The following ADAMTSL1 variants were observed in gnomAD, a reference collection of about 807,000 sequenced individuals.
The protein encoded by ADAMTSL1 is ADAMTS like 1.
A neutral mutation model predicts 201.8 loss-of-function variants in ADAMTSL1; 126 were observed. That is an observed-to-expected ratio of 0.62 (90% CI 0.54 to 0.72). ADAMTSL1 has a LOEUF of 0.72. Ranked by LOEUF, ADAMTSL1 falls within the 30% of genes least tolerant of loss-of-function variation. The pLI is 0.00. For missense variants in ADAMTSL1, 2,679 were observed against 2,277.8 expected, an observed-to-expected ratio of 1.18 and a Z score of -3.59; for synonymous variants, 1,121 against 903.4, an observed-to-expected ratio of 1.24 and a Z score of -4.32.
chr9:18,653,444 G>A (rs1828421799), intron 7 of ADAMTSL1, among the ~76,000 whole-genome samples: 1 of 152,084 alleles, frequency 6.6e-6, no homozygotes, highest in African/African-American at 2.4e-5. Flanking sequence ...CTGATCTACT[G>A]CCCTACTCAA....
At chr9:18,008,888 AC>A (rs1819940605) in intron 1 of ADAMTSL1, among the ~76,000 whole-genome samples, 1 of 151,894 alleles carries the variant, frequency 6.6e-6, no homozygotes, top group African/African-American at 2.4e-5. Context: ...AATGAAGACT[AC>A]CTAATTTGCT....
chr9:18,840,772 C>G (rs1280260099), intron 23 of ADAMTSL1, among the ~76,000 whole-genome samples: 4 of 149,842 alleles, frequency 2.7e-5, no homozygotes, highest in African/African-American at 4.9e-5. Context: ...AGTTGGATTC[C>G]TAGGTATTTT....
intron 2 of ADAMTSL1, among the ~76,000 whole-genome samples, chr9:18,396,189 T>C (rs1022094314): frequency 6.6e-6 from 1 of 152,162 alleles, no homozygotes; most frequent in Non-Finnish European, 1.5e-5. Flanking sequence ...TGCTCCTGCC[T>C]TTGCACAGTC....
intron 16 of ADAMTSL1, among the ~76,000 whole-genome samples, chr9:18,756,076 A>AAAATAT (rs1819728814): frequency 1.2e-5 from 1 of 80,700 alleles, no homozygotes; most frequent in Non-Finnish European, 2.6e-5. Flanking sequence ...CTCTACTGAA[A>AAAATAT]ATATATATAT....
At chr9:18,188,679 G>A (rs909497487) in intron 2 of ADAMTSL1, among the ~76,000 whole-genome samples, 5 of 152,178 alleles carry the variant, frequency 3.3e-5, no homozygotes, top group African/African-American at 9.7e-5. Context: ...GCAAACTGCC[G>A]GGGATATTAG....
chr9:18,812,425 A>C (rs1356494094), intron 20 of ADAMTSL1, among the ~76,000 whole-genome samples: 1 of 152,246 alleles, frequency 6.6e-6, no homozygotes, highest in Non-Finnish European at 1.5e-5. Flanking sequence ...CACATCTTAC[A>C]TAAAAATTAA....
Position 18,888,111 on chromosome 9 carries a change from T to C in ADAMTSL1, c.4462+68T>C, listed in dbSNP as rs1372091563. 10 of 1,484,190 alleles carry C rather than the reference T, an allele frequency of 6.7e-6. 1 individual carries two copies. The East Asian group carries it at 1.4e-4, about 21-fold the overall frequency. 91.9% of individuals were successfully genotyped at this position (1,484,190 alleles called of 1,614,324 possible). ...AAGCCCACTTGGGAATCTAACTATC[T>C]AGCAGAACAAAGAGATTTCTGATCT... On this transcript the variant is annotated intron_variant, in intron 24 of 28. Transcript: ENST00000380548.
intron 19 of ADAMTSL1, among the ~76,000 whole-genome samples, chr9:18,791,100 T>G (rs972065608): frequency 2.0e-5 from 3 of 152,230 alleles, no homozygotes; most frequent in Non-Finnish European, 2.9e-5. Context: ...TTAAGCTAAA[T>G]TAATAGAGTA....
chr9:18,000,274 C>T (rs999322814), intron 1 of ADAMTSL1, among the ~76,000 whole-genome samples: 2 of 150,208 alleles, frequency 1.3e-5, no homozygotes, highest in Non-Finnish European at 1.5e-5. Context: ...CTGTTGTTTC[C>T]TGACTTTTTA....
At chr9:18,188,425 C>G (rs1828830417) in intron 2 of ADAMTSL1, among the ~76,000 whole-genome samples, 1 of 152,114 alleles carries the variant, frequency 6.6e-6, no homozygotes, top group African/African-American at 2.4e-5. Context: ...AAAACATGAA[C>G]TATGCAAGTG....
At chr9:18,766,930 A>G (rs1021481087) in intron 16 of ADAMTSL1, among the ~76,000 whole-genome samples, 1 of 152,216 alleles carries the variant, frequency 6.6e-6, no homozygotes, top group Non-Finnish European at 1.5e-5. Flanking sequence ...GGATTATGGT[A>G]TGCTGATTTC....
At position 18,906,928 on chromosome 9, in the gene ADAMTSL1, AAAGAACC is replaced by A; in HGVS notation, c.5182+17_5182+23del. The A allele has an allele frequency of 1.2e-6, 2 of 1,613,634 alleles. No individual in the cohort carries two copies. The highest frequency in any genetic ancestry group is 1.7e-6 in the Non-Finnish European group (2 of 1,179,694). On this transcript the variant is annotated intron_variant, in intron 28 of 28. Coordinates refer to ENST00000380548, the MANE Select transcript of ADAMTSL1 (RefSeq NM_001040272.6). Reference sequence around the variant, plus strand: ...TGTGAAAACAGTATGTTCCAACCCCAAAGAACCTTCTGCAAATTCCCCATAGAGCATC... The same window carrying A: ...TGTGAAAACAGTATGTTCCAACCCCATTCTGCAAATTCCCCATAGAGCATC...
chr9:18,793,342 C>T (rs574764280), intron 19 of ADAMTSL1: 5 of 152,332 alleles, frequency 3.3e-5, no homozygotes, highest in African/African-American at 1.2e-4. Flanking sequence ...TCACCCACCT[C>T]AGAATAATTG....
chr9:18,846,822 T>G (rs1409646936), intron 23 of ADAMTSL1, among the ~76,000 whole-genome samples: 1 of 152,088 alleles, frequency 6.6e-6, no homozygotes, highest in Non-Finnish European at 1.5e-5. Context: ...ACTTGGTAAA[T>G]AGATTAACAT....
intron 16 of ADAMTSL1, among the ~76,000 whole-genome samples, chr9:18,759,078 CAT>C (rs1400382956): frequency 6.6e-6 from 1 of 152,176 alleles, no homozygotes; most frequent in Non-Finnish European, 1.5e-5. Flanking sequence ...CTCTATATTG[CAT>C]ATGTTTTATG....
Position 17,914,700 on chromosome 9 carries a change from G to A in ADAMTSL1, c.87+7778G>A, listed in dbSNP as rs565223642. On this transcript the variant is annotated intron_variant, in intron 1 of 29. Coordinates refer to the ADAMTSL1 transcript ENST00000680146. The stretch of plus-strand genomic sequence containing the variant: ...AATTAGGCAGGAGAAGGAAATAAAC[G>A]GTATTCAATTAGGAAAAGAGGAAGT... Among the ~76,000 whole-genome samples the A allele has an allele frequency of 1.3e-3, 202 of 151,888 alleles. 2 individuals carry two copies. Among genetic ancestry groups the A allele is most frequent in the African/African-American group, 4.7e-3 (196 of 41,386 alleles).
At position 18,580,869 on chromosome 9, in the gene ADAMTSL1, C is replaced by A. The variant is rs573128464; in HGVS notation, c.474+6603C>A. On this transcript the variant is annotated intron_variant, in intron 4 of 28. Coordinates refer to ENST00000380548, the MANE Select transcript of ADAMTSL1 (RefSeq NM_001040272.6). ...TAAATATGAAAGTGTACTATAGTCA[C>A]TATACTATACTGCCCTCACTGTAAA... Among the ~76,000 whole-genome samples the A allele has an allele frequency of 6.2e-4, 95 of 152,204 alleles. 1 individual carries two copies. The highest frequency in any genetic ancestry group is 2.3e-3 in the African/African-American group (94 of 41,556).
chr9:18,799,894 C>A (rs1168325308), intron 20 of ADAMTSL1, among the ~76,000 whole-genome samples: 1 of 152,104 alleles, frequency 6.6e-6, no homozygotes, highest in Non-Finnish European at 1.5e-5. Flanking sequence ...TTAGTAGCTA[C>A]AATAAAAGAC....
intron 4 of ADAMTSL1, among the ~76,000 whole-genome samples, chr9:18,590,063 G>T (rs952397487): frequency 2.8e-4 from 42 of 151,998 alleles, no homozygotes; most frequent in African/African-American, 1.0e-3. Flanking sequence ...TGGTATTAGG[G>T]TAATGTTGGC....
Sources: allele counts gnomAD v4.1 joint callset (sites outside exome capture counted in the v4.1 genomes callset), GRCh38; gene constraint gnomAD v4.1.1; transcripts MANE v1.5; gene names NCBI Gene and HGNC (gene_info 2026-07-23, HGNC 2026-07-21).